Variants in CCR10 observed in about 807,000 individuals in gnomAD.
The protein encoded by CCR10 is C-C motif chemokine receptor 10.
CCR10 carries 11 observed loss-of-function variants against 11.9 expected under a neutral mutation model. The observed-to-expected ratio is 0.92, with a 90% CI of 0.58 to 1.53. The LOEUF is 1.53. Ranked by LOEUF, CCR10 falls within the 40% of genes most tolerant of loss-of-function variation. CCR10 has a pLI of 0.00. For missense variants in CCR10, 428 were observed against 496.6 expected (o/e 0.86, Z 1.31); for synonymous variants, 224 against 245.4 (o/e 0.91, Z 0.81).
Position 42,680,206 on chromosome 17 carries a change from G to C in CCR10, c.436C>G (p.Leu146Val). The change falls in exon 2 of 2, where the codon CTC becomes GTC. Residue 146 changes from leucine to valine, a missense_variant. Transcript: ENST00000332438. ...ADRYVAIARA[L>V]PAGPRPSTPG... ...GTGGAGGGCCGCGGCCCGGCTGGGA[G>C]CGCTCGCGCGATGGCCACGTAGCGG... The C allele has an allele frequency of 6.2e-7, 1 of 1,602,576 alleles. No individual in the cohort carries two copies. Among genetic ancestry groups the C allele is most frequent in the Non-Finnish European group, 8.5e-7 (1 of 1,175,394 alleles).
At position 42,681,522 on chromosome 17, in the gene CCR10, G is replaced by A. The variant is rs964231732; in HGVS notation, c.24+278C>T. On this transcript the variant is annotated intron_variant, in intron 1 of 1. Transcript: ENST00000332438. ...CAGCACACTGAACCACTCATGCCAAGGGGGTCTCCAGGGTTGGGACTCAGG... is the reference window on the plus strand; with the variant it reads ...CAGCACACTGAACCACTCATGCCAAAGGGGTCTCCAGGGTTGGGACTCAGG... 3 of 554,842 alleles carry A rather than the reference G, an allele frequency of 5.4e-6. No individual in the cohort carries two copies. The African/African-American group carries it at 5.7e-5, about 11-fold the overall frequency. 34.4% of individuals were successfully genotyped at this position (554,842 alleles called of 1,614,324 possible).
Sources: allele counts gnomAD v4.1 joint callset, GRCh38; gene constraint gnomAD v4.1.1; transcripts MANE v1.5; gene names NCBI Gene and HGNC (gene_info 2026-07-23, HGNC 2026-07-21).